The following DOCK1 variants were observed in gnomAD, a reference collection of about 807,000 sequenced individuals.
The protein encoded by DOCK1 is dedicator of cytokinesis protein 1.
DOCK1 carries 138 observed loss-of-function variants against 262.7 expected under a neutral mutation model. The ratio of observed to expected loss-of-function variants is 0.53; its 90% CI spans 0.46 to 0.61. DOCK1 has a LOEUF of 0.61. Ranked by LOEUF, DOCK1 falls within the 20% of genes least tolerant of loss-of-function variation. The pLI is 0.00. For synonymous variants in DOCK1, 866 were observed against 867.4 expected (o/e 1.00, Z 0.03); for missense variants, 1,908 against 2,370.7 (o/e 0.80, Z 4.05).
intron 27 of DOCK1, among the ~76,000 whole-genome samples, chr10:127,234,848 A>C (rs958899966): frequency 6.6e-6 from 1 of 151,122 alleles, no homozygotes; most frequent in African/African-American, 2.4e-5. Flanking sequence ...TACAACATTA[A>C]TTACATATGG....
chr10:126,952,488 T>G (rs2036344537), intron 1 of DOCK1, among the ~76,000 whole-genome samples: 1 of 150,860 alleles, frequency 6.6e-6, no homozygotes, highest in Non-Finnish European at 1.5e-5. Context: ...GTATTGTTGG[T>G]GATGTATTAT....
At chr10:127,237,966 T>C (rs1266866564) in intron 27 of DOCK1, among the ~76,000 whole-genome samples, 2 of 152,252 alleles carry the variant, frequency 1.3e-5, no homozygotes, top group Non-Finnish European at 2.9e-5. Flanking sequence ...TCACTACATA[T>C]TAACATTTTG....
At chr10:127,118,994 C>CA (rs1592097374) in intron 25 of DOCK1, among the ~76,000 whole-genome samples, 1 of 151,954 alleles carries the variant, frequency 6.6e-6, no homozygotes, top group East Asian at 1.9e-4. Flanking sequence ...CAGGTTTACA[C>CA]ACACGTGTAC....
intron 1 of DOCK1, among the ~76,000 whole-genome samples, chr10:126,917,457 C>T (rs1416189816): frequency 6.6e-6 from 1 of 152,148 alleles, no homozygotes; most frequent in Non-Finnish European, 1.5e-5. Context: ...CCCGGAAGCC[C>T]TTTAAAATGC....
At chr10:127,447,747 A>C (rs1210802122) in intron 51 of DOCK1, among the ~76,000 whole-genome samples, 1 of 152,198 alleles carries the variant, frequency 6.6e-6, no homozygotes, top group Non-Finnish European at 1.5e-5. Flanking sequence ...GCTCTGCGTC[A>C]TTATCAATAA....
intron 29 of DOCK1, among the ~76,000 whole-genome samples, chr10:127,325,520 G>A (rs1453931320): frequency 2.6e-5 from 4 of 152,186 alleles, no homozygotes; most frequent in African/African-American, 7.2e-5. Flanking sequence ...CTGGTCAGTG[G>A]TACAGCCTGG....
chr10:127,035,557 A>G (rs946175058), intron 18 of DOCK1, among the ~76,000 whole-genome samples: 1 of 152,144 alleles, frequency 6.6e-6, no homozygotes, highest in African/African-American at 2.4e-5. Flanking sequence ...CTTACAATAC[A>G]GCGTGCCACC....
intron 43 of DOCK1, 121 bp downstream of exon 43, chr10:127,411,045 G>A (rs1253535816): frequency 2.9e-5 from 28 of 965,976 alleles, no homozygotes; most frequent in Non-Finnish European, 4.1e-5. Flanking sequence ...ATGTCTTTGT[G>A]TATTATGTGC....
chr10:127,309,474 T>C (rs1241889132), intron 29 of DOCK1, among the ~76,000 whole-genome samples: 5 of 152,250 alleles, frequency 3.3e-5, no homozygotes, highest in African/African-American at 1.2e-4. Flanking sequence ...TTTGCTTTTG[T>C]TGCAGTTGCT....
At chr10:127,167,528 A>G (rs2483848) in intron 27 of DOCK1, among the ~76,000 whole-genome samples, 151,852 of 152,192 alleles carry the variant, frequency 1, 75,757 homozygotes, top group Middle Eastern at 1. Flanking sequence ...ACTTTTATGA[A>G]TATTATAAGG....
chr10:126,931,313 G>C (rs2034170461), intron 1 of DOCK1, among the ~76,000 whole-genome samples: 1 of 152,140 alleles, frequency 6.6e-6, no homozygotes, highest in African/African-American at 2.4e-5. Context: ...ATTCCAGGCT[G>C]TCCTGGAGGA....
chr10:126,916,061 T>C (rs1591301533), intron 1 of DOCK1, among the ~76,000 whole-genome samples: 3 of 152,104 alleles, frequency 2.0e-5, no homozygotes, highest in Admixed American at 1.3e-4. Flanking sequence ...GTGTGGAGTT[T>C]AGAGCACTGG....
chr10:127,237,363 G>GGA (rs111762544), intron 27 of DOCK1, among the ~76,000 whole-genome samples: 3 of 134,770 alleles, frequency 2.2e-5, no homozygotes, highest in East Asian at 2.2e-4. Context: ...TCCATCTCAG[G>GGA]AAAAAAAAAA....
chr10:127,280,698 T>A lies in DOCK1; in HGVS notation c.3044+23269T>A, dbSNP rs115621844. On this transcript the variant is annotated intron_variant, in intron 29 of 51. Transcript: ENST00000623213. ...ACGTGCAGGTAAGTTAAGGGCTTAC[T>A]ATAGAAATGCAAAATGCCACCATTC... 3.2e-3 allele frequency among the ~76,000 whole-genome samples: 491 copies of A among 152,366 alleles called. 1 individual carries two copies. Among genetic ancestry groups the A allele is most frequent in the African/African-American group, 0.01 (425 of 41,592 alleles).
rs1565096847 is a variant in DOCK1 at position 127,444,089 on chromosome 10, A to G, written c.5260-37A>G. ...GTGGAAACGCAACTCAGCCCATAAC[A>G]GACCGTAACTGTGCTCTTTCTGTCC... On this transcript the variant is annotated intron_variant, in intron 49 of 51. Transcript: ENST00000623213. 9 of 1,550,496 alleles carry G rather than the reference A, an allele frequency of 5.8e-6. No homozygotes were observed. In the South Asian group the frequency reaches 9.5e-5, roughly 16 times the overall value.
chr10:127,333,274 G>A (rs76336550), intron 29 of DOCK1, among the ~76,000 whole-genome samples: 1,753 of 152,292 alleles, frequency 0.012, 49 homozygotes, highest in African/African-American at 0.04. Flanking sequence ...GCTTCACAAT[G>A]TGAGAAATGG....
chr10:127,440,245 C>T (rs988825805), intron 49 of DOCK1, among the ~76,000 whole-genome samples: 2 of 152,024 alleles, frequency 1.3e-5, no homozygotes, highest in East Asian at 1.9e-4. Flanking sequence ...TCATTACCCC[C>T]ATTACTGCAA....
intron 44 of DOCK1, 32 bp from the exon 45 acceptor site, chr10:127,418,333 G>T (rs750517400): frequency 3.5e-5 from 55 of 1,572,708 alleles, no homozygotes; most frequent in Non-Finnish European, 4.7e-5. Context: ...GCAGCTGTGG[G>T]GCTGACATCG....
intron 25 of DOCK1, among the ~76,000 whole-genome samples, chr10:127,112,104 T>C (rs1761532): frequency 0.49 from 73,902 of 151,632 alleles, 20,467 homozygotes; most frequent in African/African-American, 0.76. Flanking sequence ...CTCCGCCTCC[T>C]GGGTTCAAAT....
Sources: gnomAD v4.1 joint callset for allele counts (sites outside exome capture counted in the v4.1 genomes callset) on GRCh38, gnomAD v4.1.1 for gene constraint, MANE v1.5 for transcripts, NCBI Gene and HGNC (gene_info 2026-07-23, HGNC 2026-07-21) for gene names.